CEP112: variants seen among roughly 807,000 people sequenced by gnomAD.
CEP112 encodes centrosomal protein 112.
CEP112 carries 127 observed loss-of-function variants against 153.0 expected under a neutral mutation model. That is an observed-to-expected ratio of 0.83 (90% CI 0.72 to 0.96). CEP112 has a LOEUF of 0.96. CEP112 is among the 40% of genes least tolerant of loss of function. The pLI, the probability that CEP112 is intolerant of heterozygous loss-of-function variation, is 0.00. For missense variants in CEP112, 1,089 were observed against 1,101.2 expected, an observed-to-expected ratio of 0.99 and a Z score of 0.16; for synonymous variants, 358 against 374.4, an observed-to-expected ratio of 0.96 and a Z score of 0.51.
intron 21 of CEP112, among the ~76,000 whole-genome samples, chr17:65,794,762 G>A (rs1056427596): frequency 6.6e-6 from 1 of 152,122 alleles, no homozygotes; most frequent in Non-Finnish European, 1.5e-5. Flanking sequence ...CCCACACCCA[G>A]TCAGGAATCG....
At chr17:65,682,380 C>T (rs566818021) in intron 24 of CEP112, among the ~76,000 whole-genome samples, 2 of 152,252 alleles carry the variant, frequency 1.3e-5, no homozygotes, top group African/African-American at 4.8e-5. Context: ...CCGTATTTCT[C>T]TTGTGACCAG....
chr17:65,781,850 T>C (rs2054014118), intron 21 of CEP112, among the ~76,000 whole-genome samples: 1 of 152,130 alleles, frequency 6.6e-6, no homozygotes, highest in Admixed American at 6.5e-5. Flanking sequence ...TATACAAAAA[T>C]TAACTCAAGA....
intron 18 of CEP112, among the ~76,000 whole-genome samples, chr17:65,948,492 G>C: frequency 6.6e-6 from 1 of 152,036 alleles, no homozygotes. Flanking sequence ...ATACTTCAGA[G>C]AACATAGCTG....
intron 25 of CEP112, among the ~76,000 whole-genome samples, chr17:65,639,840 T>C (rs929374073): frequency 8.4e-5 from 12 of 142,612 alleles, no homozygotes; most frequent in South Asian, 2.4e-4. Flanking sequence ...TTCTTTCTTT[T>C]TTTTTTTTTT....
chr17:65,699,048 C>T (rs534048264), intron 23 of CEP112, among the ~76,000 whole-genome samples: 9 of 152,296 alleles, frequency 5.9e-5, no homozygotes, highest in African/African-American at 2.2e-4. Context: ...TTCATTTCTT[C>T]CATGAAATAT....
intron 20 of CEP112, among the ~76,000 whole-genome samples, chr17:65,868,842 T>C (rs527469645): frequency 1.3e-5 from 2 of 152,350 alleles, no homozygotes; most frequent in African/African-American, 4.8e-5. Context: ...TTGGAAATGA[T>C]TGATTTCAAA....
chr17:66,130,813 T>G (rs1568527341), intron 5 of CEP112, among the ~76,000 whole-genome samples: 1 of 150,392 alleles, frequency 6.6e-6, no homozygotes, highest in African/African-American at 2.4e-5. Context: ...TTATGGTGAT[T>G]CTTCACTTTT....
Position 65,743,193 on chromosome 17 carries a change from T to C in CEP112, c.2482A>G (p.Ile828Val), listed in dbSNP as rs1390843991. The change falls in exon 23 of 27, where the codon ATT becomes GTT. Residue 828 changes from isoleucine to valine, a missense_variant. Transcript: ENST00000535342. ...SQIIAELQTT[I>V]SSLKEENSQQ... ...CTGTTCTCTTCTTTCAGAGAGGAAA[T>C]GGTTGTCTGAAGTTCTGCTATGATC... 7.4e-6 allele frequency: 12 copies of C among 1,611,280 alleles called. No homozygotes were observed. Among genetic ancestry groups the C allele is most frequent in the Admixed American group, 1.7e-5 (1 of 59,752 alleles).
At chr17:65,791,997 G>A (rs2054614553) in intron 21 of CEP112, among the ~76,000 whole-genome samples, 1 of 152,090 alleles carries the variant, frequency 6.6e-6, no homozygotes, top group African/African-American at 2.4e-5. Context: ...TACAAAAATG[G>A]AAAGTCATTT....
At chr17:65,869,156 T>C (rs1478771829) in intron 20 of CEP112, among the ~76,000 whole-genome samples, 1 of 152,256 alleles carries the variant, frequency 6.6e-6, no homozygotes, top group African/African-American at 2.4e-5. Flanking sequence ...TAATATTGTC[T>C]GTGCTTTATC....
Position 65,717,370 on chromosome 17 carries a change from G to C in CEP112, c.2607+25698C>G, listed in dbSNP as rs1467525040. Among the ~76,000 whole-genome samples, 3 of 152,142 alleles carry C rather than the reference G, an allele frequency of 2.0e-5. No homozygotes were observed. The South Asian group carries it at 6.2e-4, about 32-fold the overall frequency. On this transcript the variant is annotated intron_variant, in intron 23 of 26. Coordinates refer to ENST00000535342, the MANE Select transcript of CEP112 (RefSeq NM_001199165.4). ...CAAACACAAAAACAAGTCAGTCCCAGAAGAGAGAAGATTCCGCCCCTCACC... is the reference window on the plus strand; with the variant it reads ...CAAACACAAAAACAAGTCAGTCCCACAAGAGAGAAGATTCCGCCCCTCACC...
At position 66,094,289 on chromosome 17, in the gene CEP112, A is replaced by T. The variant is rs578022900; in HGVS notation, c.768+1962T>A. Among the ~76,000 whole-genome samples, 8 of 152,052 alleles carry T rather than the reference A, an allele frequency of 5.3e-5. No homozygotes were observed. In the South Asian group the frequency reaches 1.7e-3, roughly 32 times the overall value. On this transcript the variant is annotated intron_variant, in intron 8 of 26. Transcript: ENST00000535342. ...TGGCCAGGCTGGTCTCAAACTCCTA[A>T]TCTCAAGTGATCCGCCCACCTCAGC...
At chr17:66,185,735 A>G (rs1045083461) in intron 1 of CEP112, among the ~76,000 whole-genome samples, 1 of 152,188 alleles carries the variant, frequency 6.6e-6, no homozygotes, top group East Asian at 1.9e-4. Context: ...CTACCTTTAC[A>G]TTATGAATAG....
chr17:65,942,228 C>T (rs993068632), intron 18 of CEP112, among the ~76,000 whole-genome samples: 12 of 151,970 alleles, frequency 7.9e-5, no homozygotes, highest in African/African-American at 1.9e-4. Flanking sequence ...ACTGTGCATG[C>T]GAGGGATCTA....
In CEP112 at chr17:66,085,833, C is replaced by T. The variant is rs142684558; in HGVS notation, c.768+10418G>A. 3.5e-3 allele frequency among the ~76,000 whole-genome samples: 531 copies of T among 151,926 alleles called. 2 individuals are homozygous for T. Among genetic ancestry groups the T allele is most frequent in the African/African-American group, 0.012 (497 of 41,450 alleles). On this transcript the variant is annotated intron_variant, in intron 8 of 26. Coordinates refer to ENST00000535342, the MANE Select transcript of CEP112 (RefSeq NM_001199165.4). ...CTCTACTAAAGATACAAAAAATAGC[C>T]GGGCATGGTGGCGCACACCTGTAAT...
At chr17:65,815,530 A>C (rs1470297020) in intron 21 of CEP112, among the ~76,000 whole-genome samples, 2 of 152,100 alleles carry the variant, frequency 1.3e-5, no homozygotes, top group Non-Finnish European at 2.9e-5. Flanking sequence ...AGCTTGTCAA[A>C]TTCAACAAGA....
At chr17:65,953,665 G>C (rs1169232850) in intron 18 of CEP112, among the ~76,000 whole-genome samples, 1 of 112,972 alleles carries the variant, frequency 8.9e-6, no homozygotes. Flanking sequence ...TGGGAGCAGG[G>C]TGAGGCCTTG....
intron 6 of CEP112, among the ~76,000 whole-genome samples, chr17:66,122,665 G>A (rs1015247460): frequency 6.6e-6 from 1 of 152,100 alleles, no homozygotes; most frequent in Non-Finnish European, 1.5e-5. Context: ...ATGACACCCA[G>A]CTATTATGTC....
At chr17:66,036,634 T>A (rs1445424306) in intron 12 of CEP112, among the ~76,000 whole-genome samples, 1 of 152,068 alleles carries the variant, frequency 6.6e-6, no homozygotes, top group African/African-American at 2.4e-5. Flanking sequence ...ATGAAAAAAC[T>A]AGGACTTAGG....
Sources: allele counts gnomAD v4.1 joint callset (sites outside exome capture counted in the v4.1 genomes callset), GRCh38; gene constraint gnomAD v4.1.1; transcripts MANE v1.5; gene names NCBI Gene and HGNC (gene_info 2026-07-23, HGNC 2026-07-21).